The following SAMD5 variants were observed in gnomAD, a reference collection of about 807,000 sequenced individuals.
The protein encoded by SAMD5 is sterile alpha motif domain-containing protein 5.
A neutral mutation model predicts 11.3 loss-of-function variants in SAMD5; 13 were observed. That is an observed-to-expected ratio of 1.15 (90% CI 0.75 to 1.83). The LOEUF (loss-of-function observed/expected upper bound fraction) is 1.83. SAMD5 is among the 40% of genes most tolerant of loss of function. The pLI is 0.00. For missense variants in SAMD5, 255 were observed against 239.1 expected (o/e 1.07, Z -0.44); for synonymous variants, 129 against 111.3 (o/e 1.16, Z -1.00).
At chr6:147,676,303 A>G (rs760504859) in intron 1 of SAMD5, 3 of 152,074 alleles carry the variant, frequency 2.0e-5, no homozygotes, top group African/African-American at 7.2e-5. Flanking sequence ...GATACTAGCA[A>G]TGAACACTGA....
At chr6:147,619,593 G>A (rs1332825925) in intron 1 of SAMD5, among the ~76,000 whole-genome samples, 1 of 152,176 alleles carries the variant, frequency 6.6e-6, no homozygotes, top group African/African-American at 2.4e-5. Flanking sequence ...AATTGAAGAA[G>A]GAAAATTGTG....
chr6:147,920,585 C>T, the SAMD5 span, among the ~76,000 whole-genome samples: 1 of 152,200 alleles, frequency 6.6e-6, no homozygotes, highest in Non-Finnish European at 1.5e-5. Context: ...CTACAGAACA[C>T]TGACTAATAC....
the SAMD5 span, among the ~76,000 whole-genome samples, chr6:147,941,585 G>A: frequency 6.6e-6 from 1 of 152,090 alleles, no homozygotes; most frequent in Non-Finnish European, 1.5e-5. Context: ...TTTACTTCAT[G>A]CAAAATTAAC....
the SAMD5 span, among the ~76,000 whole-genome samples, chr6:147,948,057 G>A: frequency 3.9e-5 from 6 of 152,004 alleles, no homozygotes; most frequent in African/African-American, 1.4e-4. Flanking sequence ...GCACAATGTG[G>A]CGATTAAGTC....
chr6:147,561,852 C>T (rs1227478025), intron 1 of SAMD5, among the ~76,000 whole-genome samples: 5 of 152,210 alleles, frequency 3.3e-5, no homozygotes, highest in Non-Finnish European at 7.4e-5. Context: ...ACGGCGCATT[C>T]GGCACAGGGA....
chr6:147,919,765 A>G, the SAMD5 span, among the ~76,000 whole-genome samples: 4 of 152,184 alleles, frequency 2.6e-5, no homozygotes, highest in Admixed American at 2.6e-4. Flanking sequence ...CTTCATGAGT[A>G]TCATTCAAGG....
intron 1 of SAMD5, among the ~76,000 whole-genome samples, chr6:147,728,839 G>C (rs1218876325): frequency 6.6e-6 from 1 of 151,982 alleles, no homozygotes; most frequent in Non-Finnish European, 1.5e-5. Flanking sequence ...CAAAGTATTA[G>C]CTTTATAATA....
chr6:147,564,704 TATC>T lies in SAMD5; in HGVS notation c.*251_*253del. 8.3e-7 allele frequency: 1 copy of T among 1,211,406 alleles called. No homozygotes were observed. The highest frequency in any genetic ancestry group is 1.0e-6 in the Non-Finnish European group (1 of 968,944). 75.0% of individuals were successfully genotyped at this position (1,211,406 alleles called of 1,614,324 possible). A position where few individuals can be genotyped will look rare whatever the true frequency, so the allele number is the denominator to read the frequency against. Reference sequence around the variant, plus strand: ...TATTGAGTTCATTTTTTTAAGAAGATATCATGATGAGATACAGTCTTATGCATT... The same window carrying T: ...TATTGAGTTCATTTTTTTAAGAAGATATGATGAGATACAGTCTTATGCATT... On this transcript the variant is annotated 3_prime_UTR_variant, in exon 2 of 2. Coordinates refer to ENST00000367474, the MANE Select transcript of SAMD5 (RefSeq NM_001030060.3).
intron 1 of SAMD5, among the ~76,000 whole-genome samples, chr6:147,623,836 T>C (rs1458678177): frequency 6.6e-6 from 1 of 152,202 alleles, no homozygotes; most frequent in Non-Finnish European, 1.5e-5. Context: ...GTGGGACTTA[T>C]TTCCTGGATC....
chr6:147,868,148 A>G, the SAMD5 span, among the ~76,000 whole-genome samples: 1 of 152,204 alleles, frequency 6.6e-6, no homozygotes, highest in Admixed American at 6.5e-5. Flanking sequence ...TCAAAGCTGA[A>G]AGAATATGGA....
At chr6:147,720,462 CAAA>C (rs11335024) in intron 1 of SAMD5, among the ~76,000 whole-genome samples, 18 of 141,372 alleles carry the variant, frequency 1.3e-4, no homozygotes, top group Admixed American at 1.4e-4. Context: ...GACTCTGTCT[CAAA>C]AAAAAAAAAA....
the SAMD5 span, among the ~76,000 whole-genome samples, chr6:147,939,192 C>T: frequency 3.3e-5 from 5 of 152,294 alleles, no homozygotes; most frequent in East Asian, 7.7e-4. Flanking sequence ...AAGAAGCTTC[C>T]CTGGGCTCTC....
chr6:147,822,590 C>T, the SAMD5 span, among the ~76,000 whole-genome samples: 3 of 152,122 alleles, frequency 2.0e-5, no homozygotes, highest in Non-Finnish European at 2.9e-5. Context: ...CGGGAGTTTT[C>T]TCTGTAAAAA....
chr6:147,565,504 G>C lies in SAMD5; in HGVS notation c.*1048G>C, dbSNP rs995876680. On this transcript the variant is annotated 3_prime_UTR_variant, in exon 2 of 2. Transcript: ENST00000367474. ...GACAGAGTCTCGCTCTGTCACCCAG[G>C]CTGGAGTGTAGTGGCACAATCTTGG... 1 of 895,526 alleles carries C rather than the reference G, an allele frequency of 1.1e-6. No homozygotes were observed. The highest frequency in any genetic ancestry group is 5.1e-5 in the South Asian group (1 of 19,470). The allele number at this position is 895,526 out of a possible 1,614,324, so 55.5% of individuals were successfully genotyped here. A position where few individuals can be genotyped will look rare whatever the true frequency, so the allele number is the denominator to read the frequency against.
At chr6:147,541,797 C>G (rs1788608354) in intron 1 of SAMD5, among the ~76,000 whole-genome samples, 1 of 152,150 alleles carries the variant, frequency 6.6e-6, no homozygotes, top group Admixed American at 6.5e-5. Flanking sequence ...TCTGAGAAAC[C>G]TCCTCAAAAT....
At chr6:147,525,988 CCA>C (rs1440973811) in intron 1 of SAMD5, among the ~76,000 whole-genome samples, 1 of 152,050 alleles carries the variant, frequency 6.6e-6, no homozygotes, top group Non-Finnish European at 1.5e-5. Flanking sequence ...TTTGGATATA[CCA>C]CAGAGACCAC....
chr6:147,947,101 A>G, the SAMD5 span, among the ~76,000 whole-genome samples: 2 of 152,198 alleles, frequency 1.3e-5, no homozygotes, highest in African/African-American at 2.4e-5. Context: ...AAATCACTTC[A>G]TTCCTGATTC....
At chr6:147,828,926 C>G in the SAMD5 span, among the ~76,000 whole-genome samples, 6 of 152,168 alleles carry the variant, frequency 3.9e-5, no homozygotes, top group African/African-American at 1.4e-4. Flanking sequence ...GGAATAAGAG[C>G]TGGCCAGGCA....
In SAMD5 at chr6:147,630,676, G is replaced by A. The variant is rs1790136359; in HGVS notation, c.163-106641G>A. 2.6e-5 allele frequency among the ~76,000 whole-genome samples: 4 copies of A among 151,990 alleles called. No homozygotes were observed. In the South Asian group the frequency reaches 8.3e-4, roughly 32 times the overall value. On this transcript the variant is annotated intron_variant, in intron 1 of 1. Transcript: ENST00000566741. ...CCCTCTTTTCTGACTCAGCCCGCCT[G>A]CACCCAGGTGATTAAAAAGCTTTAT...
Sources: gnomAD v4.1 joint callset for allele counts (sites outside exome capture counted in the v4.1 genomes callset) on GRCh38, gnomAD v4.1.1 for gene constraint, MANE v1.5 for transcripts, NCBI Gene and HGNC (gene_info 2026-07-23, HGNC 2026-07-21) for gene names.